The following AKAP6 variants were observed in gnomAD, a reference collection of about 807,000 sequenced individuals.
The protein encoded by AKAP6 is A-kinase anchor protein 6.
AKAP6 carries 58 observed loss-of-function variants against 188.5 expected under a neutral mutation model. The ratio of observed to expected loss-of-function variants is 0.31; its 90% CI spans 0.25 to 0.38. AKAP6 has a LOEUF of 0.38. AKAP6 is among the 10% of genes least tolerant of loss of function. AKAP6 has a pLI of 1.00. For missense variants in AKAP6, 2,710 were observed against 2,740.0 expected (o/e 0.99, Z 0.24); for synonymous variants, 989 against 998.6 (o/e 0.99, Z 0.18).
intron 1 of AKAP6, among the ~76,000 whole-genome samples, chr14:32,348,417 C>CTTTTT (rs71115063): frequency 0.052 from 6,527 of 125,842 alleles, 257 homozygotes; most frequent in South Asian, 0.1. Context: ...TCTTTTGTTT[C>CTTTTT]TTTTTTTTTT....
chr14:32,412,437 A>T (rs1226428328), intron 1 of AKAP6, among the ~76,000 whole-genome samples: 1 of 152,230 alleles, frequency 6.6e-6, no homozygotes, highest in Non-Finnish European at 1.5e-5. Context: ...TGTTTCCATG[A>T]TAATTGGACA....
chr14:32,732,972 C>T (rs2031252886), intron 10 of AKAP6: 3 of 367,504 alleles, frequency 8.2e-6, no homozygotes, highest in Non-Finnish European at 1.5e-5. Flanking sequence ...ATGTGAGAGA[C>T]ATCTACTGTT....
chr14:32,633,026 A>G (rs184661892), intron 7 of AKAP6, among the ~76,000 whole-genome samples: 1 of 152,232 alleles, frequency 6.6e-6, no homozygotes, highest in Non-Finnish European at 1.5e-5. Flanking sequence ...TCTAGGATAG[A>G]AAAATCAAGA....
At position 32,820,565 on chromosome 14, in the gene AKAP6, G is replaced by A. The variant is rs1594981716; in HGVS notation, c.3589-837G>A. Among the ~76,000 whole-genome samples the A allele has an allele frequency of 2.6e-5, 4 of 152,216 alleles. 1 individual carries two copies. The East Asian group carries it at 7.8e-4, about 30-fold the overall frequency. On this transcript the variant is annotated intron_variant, in intron 12 of 13. Coordinates refer to ENST00000280979, the MANE Select transcript of AKAP6 (RefSeq NM_004274.5). ...ATTATTCTGGGGCTGGTGTGGGCTG[G>A]AGTGAGAGGTTCCTGTCTATCAGAA... is the stretch of plus-strand genomic sequence containing the variant.
At chr14:32,344,995 C>T (rs542162353) in intron 1 of AKAP6, among the ~76,000 whole-genome samples, 2 of 150,626 alleles carry the variant, frequency 1.3e-5, no homozygotes, top group Non-Finnish European at 1.5e-5. Flanking sequence ...TAGGATGAGG[C>T]TCAGAGAGGA....
rs953316426 is a variant in AKAP6, at chr14:32,591,421, A to G, written c.2470-7989A>G. Among the ~76,000 whole-genome samples, 8 of 150,472 alleles carry G rather than the reference A, an allele frequency of 5.3e-5. No homozygotes were observed. In the Admixed American group the frequency reaches 5.3e-4, roughly 10 times the overall value. On this transcript the variant is annotated intron_variant, in intron 5 of 13. Transcript: ENST00000280979. ...CTAATTCTTGCATAACATATTAGCC[A>G]GTCTATCAGAAAAGAATGTCAGCTT...
chr14:32,674,473 G>A (rs1376781130), intron 7 of AKAP6, among the ~76,000 whole-genome samples: 2 of 152,144 alleles, frequency 1.3e-5, no homozygotes, highest in Admixed American at 1.3e-4. Flanking sequence ...GAAGGAGACT[G>A]CAGAGACATT....
intron 7 of AKAP6, among the ~76,000 whole-genome samples, chr14:32,615,427 C>G (rs1345369357): frequency 6.7e-6 from 1 of 148,430 alleles, no homozygotes; most frequent in Non-Finnish European, 1.5e-5. Flanking sequence ...TTTTTTTAAC[C>G]TTCCTCTAGT....
At chr14:32,633,531 G>C (rs948226252) in intron 7 of AKAP6, among the ~76,000 whole-genome samples, 1 of 152,040 alleles carries the variant, frequency 6.6e-6, no homozygotes. Context: ...AGCTTGGCTG[G>C]TATGAGCTTT....
chr14:32,418,627 A>G (rs548402302), intron 1 of AKAP6, among the ~76,000 whole-genome samples: 179 of 152,280 alleles, frequency 1.2e-3, no homozygotes, highest in Middle Eastern at 0.01. Context: ...GCTGGATGGA[A>G]GAGTTGGCAA....
intron 2 of AKAP6, among the ~76,000 whole-genome samples, chr14:32,502,144 T>C (rs1388211846): frequency 1.3e-5 from 2 of 152,166 alleles, no homozygotes; most frequent in Non-Finnish European, 2.9e-5. Flanking sequence ...GTCTGTTCAA[T>C]TGAAGTTTTT....
rs958396843 is a variant in AKAP6, at chr14:32,790,726, C to T, written c.3588+16833C>T. On this transcript the variant is annotated intron_variant, in intron 12 of 13. Coordinates refer to ENST00000280979, the MANE Select transcript of AKAP6 (RefSeq NM_004274.5). ...TCAACCTGTCATCTAGGTTTTAAGC[C>T]CCTCATGCATTAGGTGTTTGTCCTA... Among the ~76,000 whole-genome samples, 6 of 151,900 alleles carry T rather than the reference C, an allele frequency of 3.9e-5. No homozygotes were observed. In the South Asian group the frequency reaches 6.2e-4, roughly 16 times the overall value.
At chr14:32,386,639 A>G (rs1487935937) in intron 1 of AKAP6, among the ~76,000 whole-genome samples, 4 of 151,820 alleles carry the variant, frequency 2.6e-5, no homozygotes, top group Non-Finnish European at 4.4e-5. Flanking sequence ...CTTTGTTTTT[A>G]TTGCATTTGC....
At chr14:32,829,786 G>A (rs2034780781) in intron 13 of AKAP6, 62 bp from the exon 14 acceptor site, 2 of 659,952 alleles carry the variant, frequency 3.0e-6, no homozygotes, top group Non-Finnish European at 5.5e-6. Context: ...CAAAGGGCTT[G>A]GTTTTGCTAA....
In AKAP6 at chr14:32,355,935, C is replaced by T. The variant is rs983802560; in HGVS notation, c.-35+26527C>T. On this transcript the variant is annotated intron_variant, in intron 1 of 13. Transcript: ENST00000280979. ...GATTACAGGCGCCTGCCACCACACC[C>T]GGCTAATTTTTATATATTTTTTTCG... is the stretch of plus-strand genomic sequence containing the variant. 1.1e-4 allele frequency among the ~76,000 whole-genome samples: 16 copies of T among 151,896 alleles called. No individual in the cohort carries two copies. In the East Asian group the frequency reaches 2.7e-3, roughly 26 times the overall value.
intron 5 of AKAP6, among the ~76,000 whole-genome samples, chr14:32,591,847 T>C (rs187181216): frequency 6.6e-6 from 1 of 152,226 alleles, no homozygotes; most frequent in Admixed American, 6.5e-5. Context: ...GTTGGGGAAA[T>C]AGACAATTGT....
intron 12 of AKAP6, among the ~76,000 whole-genome samples, chr14:32,774,568 T>C (rs935391006): frequency 4.6e-5 from 7 of 152,158 alleles, no homozygotes; most frequent in African/African-American, 1.7e-4. Flanking sequence ...ATGAAGGAAA[T>C]AGATATAACT....
chr14:32,552,238 G>A (rs1324901918), intron 4 of AKAP6, among the ~76,000 whole-genome samples: 1 of 152,182 alleles, frequency 6.6e-6, no homozygotes, highest in Non-Finnish European at 1.5e-5. Context: ...AAGTTACAGA[G>A]CCAGGCTTCA....
chr14:32,623,559 G>C (rs985205903), intron 7 of AKAP6, among the ~76,000 whole-genome samples: 2 of 152,018 alleles, frequency 1.3e-5, no homozygotes, highest in Non-Finnish European at 2.9e-5. Flanking sequence ...GGACCTTATG[G>C]CATTGCCCAT....
Sources: allele counts gnomAD v4.1 joint callset (sites outside exome capture counted in the v4.1 genomes callset), GRCh38; gene constraint gnomAD v4.1.1; transcripts MANE v1.5; gene names NCBI Gene and HGNC (gene_info 2026-07-23, HGNC 2026-07-21).